Variants in CLTCL1 observed in about 807,000 individuals in gnomAD.
The protein encoded by CLTCL1 is clathrin heavy chain like 1, also known as clathrin heavy chain 2.
CLTCL1 carries 159 observed loss-of-function variants against 190.0 expected under a neutral mutation model. That is an observed-to-expected ratio of 0.84 (90% confidence interval 0.74 to 0.95). The LOEUF (loss-of-function observed/expected upper bound fraction) is 0.95. CLTCL1 is among the 40% of genes least tolerant of loss of function. The pLI is 0.00. For missense variants in CLTCL1, 1,878 were observed against 2,033.4 expected (o/e 0.92, Z 1.47); for synonymous variants, 752 against 769.6 (o/e 0.98, Z 0.38).
At chr22:19,223,508 C>A (rs1555953818) in intron 14 of CLTCL1, among the ~76,000 whole-genome samples, 2 of 152,088 alleles carry the variant, frequency 1.3e-5, no homozygotes, top group South Asian at 4.2e-4. Flanking sequence ...AGGAAAGTCA[C>A]CCCACTGACC....
At chr22:19,227,805 C>T (rs1436213567) in intron 11 of CLTCL1, among the ~76,000 whole-genome samples, 1 of 152,094 alleles carries the variant, frequency 6.6e-6, no homozygotes, top group Admixed American at 6.6e-5. Context: ...GCCGTGTTGT[C>T]CATGCTGGTC....
chr22:19,232,765 T>C, intron 9 of CLTCL1, 167 bp from the exon 10 acceptor site: 3 of 894,082 alleles, frequency 3.4e-6, no homozygotes, highest in Admixed American at 5.8e-5. Context: ...ATTAAATGAA[T>C]TGATTTAATG....
At position 19,234,690 on chromosome 22, in the gene CLTCL1, A is replaced by C; in HGVS notation, c.986T>G (p.Val329Gly). Residue 329 changes from valine (V) to glycine (G), a missense_variant, in exon 7 of 33, where the codon GTT (valine) becomes GGT (glycine). By Grantham distance (109) the Val-to-Gly change is moderately radical. Coordinates refer to ENST00000427926, the MANE Select transcript of CLTCL1 (RefSeq NM_007098.4). ...ATAATTCACAATGTTATCTTCCTCA[A>C]CACAAACTGACAGTACCTGTAAGGA... ...NKKGQVLSVC[V>G]EEDNIVNYAT... 1 of 1,613,924 alleles carries C rather than the reference A, an allele frequency of 6.2e-7. No individual in the cohort carries two copies. The highest frequency in any genetic ancestry group is 8.5e-7 in the Non-Finnish European group (1 of 1,179,830).
At chr22:19,214,682 C>CTTTTTTTTTTTTT in intron 19 of CLTCL1, among the ~76,000 whole-genome samples, 1 of 130,330 alleles carries the variant, frequency 7.7e-6, no homozygotes, top group African/African-American at 2.8e-5. Flanking sequence ...ATATATTTTG[C>CTTTTTTTTTTTTT]TTTTTTTTTT....
chr22:19,208,724 T>C (rs954146682), intron 21 of CLTCL1, among the ~76,000 whole-genome samples, 198 bp downstream of exon 21: 16 of 151,906 alleles, frequency 1.1e-4, no homozygotes, highest in South Asian at 4.2e-4. Context: ...AGGAGGGCAA[T>C]AGTCAACTAA....
intron 3 of CLTCL1, among the ~76,000 whole-genome samples, chr22:19,252,737 G>A (rs568714490): frequency 3.9e-5 from 6 of 152,308 alleles, no homozygotes; most frequent in Admixed American, 1.3e-4. Context: ...AAAAGGGGAC[G>A]GGCGCGGTGG....
At chr22:19,184,149 C>T (rs2084234372) in intron 29 of CLTCL1, 1 of 270,170 alleles carries the variant, frequency 3.7e-6, no homozygotes, top group African/African-American at 2.2e-5. Context: ...CTGAAGAAGC[C>T]TGCACTTTCT....
chr22:19,183,061 T>A lies in CLTCL1; in HGVS notation c.4827+329A>T, dbSNP rs2084193334. On this transcript the variant is annotated intron_variant, in intron 30 of 32. Transcript: ENST00000427926. ...GAGCTGGGATTGCCAGCCACCTCAC[T>A]GTCACCTTGTTGAAGTCCAGGGCTG... 1.9e-5 allele frequency: 6 copies of A among 318,862 alleles called. No individual in the cohort carries two copies. In the South Asian group the frequency reaches 2.0e-4, roughly 11 times the overall value. The allele number at this position is 318,862 out of a possible 1,614,324, so 19.8% of individuals were successfully genotyped here. A position where few individuals can be genotyped will look rare whatever the true frequency, so the allele number is the denominator to read the frequency against.
rs143196901 is a variant in CLTCL1 at position 19,227,741 on chromosome 22, C to T, written c.1783-1358G>A. On this transcript the variant is annotated intron_variant, in intron 11 of 32. Transcript: ENST00000427926. ...GTGCTGGGATTACAGGTGTGAGCCA[C>T]CGCACCTGGCCCACCTGGCTAATTT... is the stretch of plus-strand genomic sequence containing the variant. Among the ~76,000 whole-genome samples, 339 of 152,262 alleles carry T rather than the reference C, an allele frequency of 2.2e-3. 10 individuals carry two copies. The East Asian group carries it at 0.058, about 26-fold the overall frequency.
intron 2 of CLTCL1, among the ~76,000 whole-genome samples, chr22:19,274,119 A>G (rs1430609779): frequency 1.3e-5 from 2 of 152,320 alleles, no homozygotes; most frequent in Middle Eastern, 3.4e-3. Flanking sequence ...TGAAAACACT[A>G]AACAGCAAAC....
intron 27 of CLTCL1, among the ~76,000 whole-genome samples, chr22:19,190,697 A>G (rs1275817880): frequency 6.6e-6 from 1 of 152,100 alleles, no homozygotes; most frequent in Non-Finnish European, 1.5e-5. Flanking sequence ...AATGTGACAC[A>G]GGGACATGAA....
Position 19,187,580 on chromosome 22 carries a change from C to G in CLTCL1, c.4583G>C (p.Cys1528Ser), listed in dbSNP as rs782567059. Residue 1528 changes from cysteine to serine, a missense_variant, in exon 29 of 33, where the codon TGC (cysteine) becomes TCC (serine). Cys to Ser is a moderately radical substitution (Grantham distance 112). Transcript: ENST00000427926. ...NNWWAQSVEL[C>S]KKDHLYKDAM... ...AACCTTGTAGAGATGATCCTTCTTG[C>G]AGAGCTCCACGCTCTGGGCCCACCA... 6.2e-7 allele frequency: 1 copy of G among 1,612,486 alleles called. No individual in the cohort carries two copies. Among genetic ancestry groups the G allele is most frequent in the Non-Finnish European group, 8.5e-7 (1 of 1,179,654 alleles).
At position 19,275,650 on chromosome 22, in the gene CLTCL1, G is replaced by A. The variant is rs2087475246; in HGVS notation, c.223C>T (p.Pro75Ser). ...PISAESAIMN[P>S]ASKVIALKAG... Reference sequence around the variant, plus strand: ...TTCAGAGCTATCACCTTAGAGGCTGGATTCATGATGGCACTCTCTGCAGAG... The same window carrying A: ...TTCAGAGCTATCACCTTAGAGGCTGAATTCATGATGGCACTCTCTGCAGAG... Residue 75 changes from proline (P) to serine (S), a missense_variant, in exon 2 of 33, where the codon CCA (proline) becomes TCA (serine). By Grantham distance (74) the Pro-to-Ser change is moderately conservative. Transcript: ENST00000427926. 1 of 1,605,914 alleles carries A rather than the reference G, an allele frequency of 6.2e-7. No individual in the cohort carries two copies. The highest frequency in any genetic ancestry group is 1.7e-5 in the Admixed American group (1 of 58,684).
chr22:19,208,955 A>G lies in CLTCL1; in HGVS notation c.3409T>C (p.Tyr1137His). 1 of 1,611,048 alleles carries G rather than the reference A, an allele frequency of 6.2e-7. No individual in the cohort carries two copies. Residue 1137 changes from tyrosine to histidine, a missense_variant, in exon 21 of 33, where the codon TAC (tyrosine) becomes CAC (histidine). Tyr to His is a moderately conservative substitution (Grantham distance 83). Transcript: ENST00000427926. ...SYIRGDDPSS[Y>H]LEVVQSASRS... is the part of the protein sequence containing the mutation. ...CTGGCTGACTGAACAACTTCCAGGT[A>G]AGAGGAAGGGTCGTCCCCTCTGATA...
intron 1 of CLTCL1, 59 bp downstream of exon 1, chr22:19,291,541 C>T (rs1042229148): frequency 1.1e-4 from 145 of 1,299,800 alleles, no homozygotes; most frequent in Non-Finnish European, 1.4e-4. Flanking sequence ...TCAAGCCTGG[C>T]AGTCCGGCCC....
At chr22:19,191,256 T>TA (rs1555931806) in intron 27 of CLTCL1, 48 bp downstream of exon 27, 1 of 1,606,850 alleles carries the variant, frequency 6.2e-7, no homozygotes, top group Admixed American at 1.7e-5. Context: ...ATGACTTTGT[T>TA]AGAGCTAGCC....
At chr22:19,221,232 G>C (rs896551242) in intron 17 of CLTCL1, 145 bp downstream of exon 17, 3 of 663,488 alleles carry the variant, frequency 4.5e-6, no homozygotes, top group Non-Finnish European at 7.6e-6. Context: ...GTTCCCAAAA[G>C]CTGTGAGAAT....
chr22:19,290,235 G>A (rs2088059488), intron 1 of CLTCL1, among the ~76,000 whole-genome samples: 1 of 152,202 alleles, frequency 6.6e-6, no homozygotes, highest in Non-Finnish European at 1.5e-5. Context: ...ACCTGGGTTA[G>A]AACTCAAGCT....
At chr22:19,235,591 C>A (rs1269098756) in intron 6 of CLTCL1, 105 bp downstream of exon 6, 2 of 1,057,318 alleles carry the variant, frequency 1.9e-6, no homozygotes, top group Admixed American at 2.3e-5. Context: ...ATAACAGGAA[C>A]TATTAATAGC....
Sources: allele counts gnomAD v4.1 joint callset (sites outside exome capture counted in the v4.1 genomes callset), GRCh38; gene constraint gnomAD v4.1.1; transcripts MANE v1.5; gene names NCBI Gene and HGNC (gene_info 2026-07-23, HGNC 2026-07-21).